Variants in CELF2 observed in about 807,000 individuals in gnomAD.
The protein encoded by CELF2 is CUGBP Elav-like family member 2, also known as CUG triplet repeat RNA-binding protein 2.
A neutral mutation model predicts 62.6 loss-of-function variants in CELF2; 8 were observed. The ratio of observed to expected loss-of-function variants is 0.13; its 90% CI spans 0.07 to 0.23. The LOEUF (loss-of-function observed/expected upper bound fraction) is 0.23. CELF2 is among the 10% of genes least tolerant of loss of function. CELF2 has a pLI of 1.00. For missense variants in CELF2, 333 were observed against 671.0 expected (o/e 0.50, Z 5.56); for synonymous variants, 258 against 250.0 (o/e 1.03, Z -0.30).
Position 11,191,623 on chromosome 10 carries a change from T to C in CELF2, c.272-25802T>C, listed in dbSNP as rs2076308642. 6.6e-6 allele frequency among the ~76,000 whole-genome samples: 1 copy of C among 152,040 alleles called. No individual in the cohort carries two copies. The highest frequency in any genetic ancestry group is 1.5e-5 in the Non-Finnish European group (1 of 67,978). On this transcript the variant is annotated intron_variant, in intron 2 of 12. Transcript: ENST00000633077. The surrounding 1 kb of genome is among the most constrained non-coding windows in gnomAD (Gnocchi z 4.1). The stretch of plus-strand genomic sequence containing the variant: ...GGGCACCCCATGGCCTGCCCTTGGG[T>C]TTCATTTAACTGTGGCCTCCCCAGG...
intron 1 of CELF2, among the ~76,000 whole-genome samples, chr10:11,031,842 A>G (rs1294522109): frequency 6.6e-6 from 1 of 152,154 alleles, no homozygotes; most frequent in Non-Finnish European, 1.5e-5. Flanking sequence ...TACTAACTCC[A>G]TTCTCTGATG....
intron 4 of CELF2, among the ~76,000 whole-genome samples, chr10:11,250,796 A>C (rs2076899871): frequency 6.6e-6 from 1 of 152,236 alleles, no homozygotes; most frequent in South Asian, 2.1e-4. Context: ...GACTCAAATA[A>C]GGTGTTTGTA....
the CELF2 span, among the ~76,000 whole-genome samples, chr10:10,508,710 T>TA: frequency 6.0e-3 from 155 of 25,800 alleles, no homozygotes; most frequent in African/African-American, 0.02. Context: ...GTGTGTATAT[T>TA]TTTTTTTTTG....
rs1027806719 is a variant in CELF2, at chr10:11,330,302, A to T, written c.*1249A>T. ...CTTGGGGTTTCATTGTGCTGTGGAT[A>T]AGGAGTGTAAGAAATGCAAATTATG... On this transcript the variant is annotated 3_prime_UTR_variant, in exon 13 of 13. Coordinates refer to ENST00000633077, the MANE Select transcript of CELF2 (RefSeq NM_001326342.2). The surrounding 1 kb of genome is among the most constrained non-coding windows in gnomAD (Gnocchi z 4.5). 1 of 152,610 alleles carries T rather than the reference A, an allele frequency of 6.6e-6. No individual in the cohort carries two copies. Among genetic ancestry groups the T allele is most frequent in the African/African-American group, 2.4e-5 (1 of 41,442 alleles). The allele number at this position is 152,610 out of a possible 1,614,324, so 9.5% of individuals were successfully genotyped here.
At chr10:11,025,907 C>T (rs933835274) in intron 1 of CELF2, among the ~76,000 whole-genome samples, 5 of 152,218 alleles carry the variant, frequency 3.3e-5, no homozygotes, top group African/African-American at 1.2e-4. Flanking sequence ...CTCACTCTGG[C>T]AGTTCTGCCA....
At chr10:10,747,808 G>C in the CELF2 span, among the ~76,000 whole-genome samples, 9 of 152,334 alleles carry the variant, frequency 5.9e-5, no homozygotes, top group African/African-American at 2.2e-4. Flanking sequence ...CAGGGTTCAT[G>C]CCATTCTCCT....
the CELF2 span, among the ~76,000 whole-genome samples, chr10:10,753,299 CTGTGTG>C: frequency 0.061 from 9,078 of 149,814 alleles, 649 homozygotes; most frequent in East Asian, 0.31. Context: ...TTCCAAAGCT[CTGTGTG>C]TGTGTGTGTG....
rs553831640 is a variant in CELF2, at chr10:11,262,940, C to CTTTTTTTTTTTTTTTTTTTTTTT, written c.539-3653_539-3631dup. Among the ~76,000 whole-genome samples, 54 of 52,764 alleles carry CTTTTTTTTTTTTTTTTTTTTTTT rather than the reference C, an allele frequency of 1.0e-3. 15 individuals carry two copies. The highest frequency in any genetic ancestry group is 2.9e-3 in the East Asian group (3 of 1,036). The allele number at this position is 52,764 out of a possible 152,430, so 34.6% of individuals were successfully genotyped here. A position where few individuals can be genotyped will look rare whatever the true frequency, so the allele number is the denominator to read the frequency against. On this transcript the variant is annotated intron_variant, in intron 5 of 12. Coordinates refer to ENST00000633077, the MANE Select transcript of CELF2 (RefSeq NM_001326342.2). ...GTTCATGCTTTTAAAAGTGGCTTTA[C>CTTTTTTTTTTTTTTTTTTTTTTT]TTTTTTTTTTTTTTTTTTTTTTTTT...
At chr10:10,968,592 C>G (rs544535290) in intron 2 of CELF2, among the ~76,000 whole-genome samples, 1 of 152,200 alleles carries the variant, frequency 6.6e-6, no homozygotes, top group Non-Finnish European at 1.5e-5. Context: ...AAAAGCGTAA[C>G]TAATATAAAG....
intron 1 of CELF2, among the ~76,000 whole-genome samples, chr10:11,114,965 C>T (rs748590603): frequency 2.0e-5 from 3 of 151,970 alleles, no homozygotes; most frequent in Non-Finnish European, 2.9e-5. Context: ...GGCTTCCCAA[C>T]ATGTAGTATA....
intron 1 of CELF2, among the ~76,000 whole-genome samples, chr10:11,141,987 A>T (rs533632496): frequency 6.6e-6 from 1 of 152,322 alleles, no homozygotes; most frequent in South Asian, 2.1e-4. Flanking sequence ...AATGAAGATA[A>T]CGACTGCAAA....
intron 5 of CELF2, among the ~76,000 whole-genome samples, chr10:11,259,194 C>A (rs2137936044): frequency 6.6e-6 from 1 of 152,334 alleles, no homozygotes; most frequent in Admixed American, 6.5e-5. Flanking sequence ...CTCGTCTTCA[C>A]CCTTCTCACT....
rs1028966780 is a variant in CELF2, at chr10:10,972,508, A to G, written c.89+52509A>G. On this transcript the variant is annotated intron_variant, in intron 2 of 13. Coordinates refer to the CELF2 transcript ENST00000636488. This position sits in a 1 kb window ranked among gnomAD's most constrained non-coding sequence, Gnocchi z 4.4. ...CCTTGTAATTCTCCTTTCTCTTGGT[A>G]TTTCTCAGCTTTCTGCTTTGACCCA... is the stretch of plus-strand genomic sequence containing the variant. 3.0e-4 allele frequency among the ~76,000 whole-genome samples: 46 copies of G among 151,884 alleles called. No homozygotes were observed. The highest frequency in any genetic ancestry group is 1.1e-3 in the African/African-American group (44 of 41,328).
chr10:10,891,205 C>A (rs1217387324), intron 1 of CELF2, among the ~76,000 whole-genome samples: 10 of 152,090 alleles, frequency 6.6e-5, no homozygotes, highest in African/African-American at 2.4e-5. Context: ...CCTTCCCATA[C>A]ATTAATGTAA....
At chr10:10,593,946 A>G in the CELF2 span, among the ~76,000 whole-genome samples, 1 of 152,302 alleles carries the variant, frequency 6.6e-6, no homozygotes, top group African/African-American at 2.4e-5. Flanking sequence ...GGAGGCACAT[A>G]AAACACACAT....
At chr10:10,738,801 T>C in the CELF2 span, among the ~76,000 whole-genome samples, 1 of 152,170 alleles carries the variant, frequency 6.6e-6, no homozygotes, top group Non-Finnish European at 1.5e-5. Flanking sequence ...AAACGTGATA[T>C]CTTGGATGGG....
chr10:10,674,720 A>C, the CELF2 span, among the ~76,000 whole-genome samples: 6 of 152,138 alleles, frequency 3.9e-5, no homozygotes, highest in Admixed American at 1.3e-4. Flanking sequence ...TGGTTGCCTT[A>C]GAGTCATTAA....
At chr10:10,894,191 A>G (rs1293537723) in intron 1 of CELF2, among the ~76,000 whole-genome samples, 9 of 152,182 alleles carry the variant, frequency 5.9e-5, no homozygotes. Context: ...TCAGAAGTTT[A>G]CCACTTTGGG....
chr10:10,988,259 A>G (rs1191188430), intron 2 of CELF2, among the ~76,000 whole-genome samples: 3 of 149,430 alleles, frequency 2.0e-5, no homozygotes, highest in Non-Finnish European at 2.9e-5. Flanking sequence ...ATACACACAT[A>G]CATATATATG....
Sources: gnomAD v4.1 joint callset for allele counts (sites outside exome capture counted in the v4.1 genomes callset) on GRCh38, gnomAD v4.1.1 for gene constraint, Gnocchi (gnomAD v3.1) non-coding constraint, MANE v1.5 for transcripts, NCBI Gene and HGNC (gene_info 2026-07-23, HGNC 2026-07-21) for gene names.